Variants in GATA4 observed in about 807,000 individuals in gnomAD.
GATA4 encodes the protein transcription factor GATA-4.
Under a neutral mutation model 37.9 loss-of-function variants are expected in GATA4, and 7 were observed. The observed-to-expected ratio is 0.18, with a 90% confidence interval of 0.11 to 0.35. The LOEUF is 0.35. Ranked by LOEUF, GATA4 falls within the 10% of genes least tolerant of loss-of-function variation. The pLI, the probability that GATA4 is intolerant of heterozygous loss-of-function variation, is 1.00. For missense variants in GATA4, 647 were observed against 653.0 expected (o/e 0.99, Z 0.10); for synonymous variants, 372 against 292.6 (o/e 1.27, Z -2.77).
intron 2 of GATA4, among the ~76,000 whole-genome samples, chr8:11,743,944 G>A (rs1020685216): frequency 6.6e-6 from 1 of 152,166 alleles, no homozygotes; most frequent in African/African-American, 2.4e-5. Context: ...CCCCATCCTT[G>A]GAGTTAGGAC....
At chr8:11,688,861 G>A (rs79897495), upstream of GATA4, among the ~76,000 whole-genome samples, 3,632 of 152,280 alleles carry the variant, frequency 0.024, 162 homozygotes, top group African/African-American at 0.084. Context: ...AGATGGGTGA[G>A]GGAACAATGG....
chr8:11,692,012 C>T (rs1799329144), upstream of GATA4: 1 of 985,246 alleles, frequency 1.0e-6, no homozygotes, highest in Non-Finnish European at 1.2e-6. Context: ...GAGACTGCTT[C>T]GCAGGGGATC....
At chr8:11,734,475 T>C (rs1444530963) in intron 2 of GATA4, among the ~76,000 whole-genome samples, 1 of 152,120 alleles carries the variant, frequency 6.6e-6, no homozygotes, top group Non-Finnish European at 1.5e-5. Flanking sequence ...TAGGGAGATA[T>C]CTATTCTGTC....
rs1802745313 is a variant in GATA4 at position 11,758,912 on chromosome 8, T to C, written c.*437T>C. On this transcript the variant is annotated 3_prime_UTR_variant, in exon 7 of 7. Transcript: ENST00000532059. ...CATGTACCTGGATGCGACGGGCCCC[T>C]GGGGACAGGCCCTTGCCCCATCCAT... 2 of 307,294 alleles carry C rather than the reference T, an allele frequency of 6.5e-6. No individual in the cohort carries two copies. Among genetic ancestry groups the C allele is most frequent in the Non-Finnish European group, 1.3e-5 (2 of 156,924 alleles). 19.0% of individuals were successfully genotyped at this position (307,294 alleles called of 1,614,324 possible).
intron 4 of GATA4, among the ~76,000 whole-genome samples, chr8:11,752,993 A>G (rs1236507133): frequency 6.6e-6 from 1 of 152,248 alleles, no homozygotes; most frequent in East Asian, 1.9e-4. Flanking sequence ...GGTATTAAAA[A>G]GATTATATTC....
chr8:11,751,102 T>G (rs1343291667), intron 4 of GATA4, among the ~76,000 whole-genome samples: 1 of 152,196 alleles, frequency 6.6e-6, no homozygotes, highest in Non-Finnish European at 1.5e-5. Context: ...TAAGAATAGT[T>G]AGATATATTT....
At chr8:11,682,413 A>T (rs1440190378) in intron 1 of GATA4, among the ~76,000 whole-genome samples, 5 of 152,228 alleles carry the variant, frequency 3.3e-5, no homozygotes, top group African/African-American at 1.2e-4. Flanking sequence ...TTTTTTGTAG[A>T]TAAATAATGA....
At chr8:11,740,679 T>C (rs73205121) in intron 2 of GATA4, among the ~76,000 whole-genome samples, 8,082 of 152,210 alleles carry the variant, frequency 0.053, 300 homozygotes, top group South Asian at 0.12. Flanking sequence ...AGTTTTCAAA[T>C]AGAAATGTAG....
At chr8:11,720,903 G>A (rs930525518) in intron 2 of GATA4, among the ~76,000 whole-genome samples, 5 of 152,014 alleles carry the variant, frequency 3.3e-5, no homozygotes, top group Non-Finnish European at 7.4e-5. Context: ...GCAGGTCTAG[G>A]CAGTGGTGGA....
At chr8:11,721,448 A>G (rs545400835) in intron 2 of GATA4, among the ~76,000 whole-genome samples, 2 of 151,580 alleles carry the variant, frequency 1.3e-5, no homozygotes, top group South Asian at 4.2e-4. Context: ...TTATGGTATA[A>G]GAAGGCGCAA....
intron 2 of GATA4, among the ~76,000 whole-genome samples, chr8:11,729,756 G>T (rs1413966247): frequency 6.6e-6 from 1 of 152,166 alleles, no homozygotes; most frequent in African/African-American, 2.4e-5. Flanking sequence ...CCGCTGCCTT[G>T]TGAATTTCCG....
intron 2 of GATA4, among the ~76,000 whole-genome samples, chr8:11,739,484 C>T (rs1801618938): frequency 6.8e-6 from 1 of 147,404 alleles, no homozygotes; most frequent in African/African-American, 2.6e-5. Flanking sequence ...CCATATACAT[C>T]CATCATATAT....
intron 2 of GATA4, among the ~76,000 whole-genome samples, chr8:11,710,089 T>C (rs973064763): frequency 6.6e-6 from 1 of 152,176 alleles, no homozygotes; most frequent in African/African-American, 2.4e-5. Context: ...TTGGGCTGGC[T>C]CCGAGAAGGG....
chr8:11,755,236 G>A (rs113049875), intron 5 of GATA4, 103 bp downstream of exon 5: 2 of 914,756 alleles, frequency 2.2e-6, no homozygotes, highest in South Asian at 1.4e-5. Flanking sequence ...GGGCCGCCAG[G>A]GGGTGGTGAC....
At chr8:11,755,198 A>G (rs773769925) in intron 5 of GATA4, 65 bp downstream of exon 5, 25 of 1,365,978 alleles carry the variant, frequency 1.8e-5, no homozygotes, top group Non-Finnish European at 2.2e-5. Context: ...CCTAAGAATC[A>G]TATCTTCCGG....
chr8:11,684,854 G>C (rs1175606077), intron 1 of GATA4, among the ~76,000 whole-genome samples: 1 of 152,210 alleles, frequency 6.6e-6, no homozygotes, highest in Non-Finnish European at 1.5e-5. Context: ...CTGACACACT[G>C]ATAAATATGT....
chr8:11,702,037 C>T (rs1478444193), upstream of GATA4, among the ~76,000 whole-genome samples: 1 of 152,218 alleles, frequency 6.6e-6, no homozygotes, highest in East Asian at 1.9e-4. The surrounding 1 kb of genome is among the most constrained non-coding windows in gnomAD (Gnocchi z 4.4). Flanking sequence ...CCTGTTATAG[C>T]CCCACCAGTG....
chr8:11,751,089 A>C (rs928057971), intron 4 of GATA4, among the ~76,000 whole-genome samples: 12 of 152,220 alleles, frequency 7.9e-5, no homozygotes, highest in African/African-American at 2.7e-4. Context: ...CTTTTTAGCC[A>C]TATAAGAATA....
At chr8:11,691,413 A>C (rs952880653), upstream of GATA4, among the ~76,000 whole-genome samples, 5 of 151,784 alleles carry the variant, frequency 3.3e-5, no homozygotes, top group African/African-American at 1.2e-4. Flanking sequence ...TGATCTTCCC[A>C]CCTCAGTCCT....
Sources: gnomAD v4.1 joint callset for allele counts (sites outside exome capture counted in the v4.1 genomes callset) on GRCh38, gnomAD v4.1.1 for gene constraint, Gnocchi (gnomAD v3.1) non-coding constraint, MANE v1.5 for transcripts, NCBI Gene and HGNC (gene_info 2026-07-23, HGNC 2026-07-21) for gene names.